Variants in ANXA5 observed in about 807,000 individuals in gnomAD.
The protein encoded by ANXA5 is CBP-I.
In ANXA5, 40 loss-of-function variants were observed where a neutral mutation model predicts 48.1. That is an observed-to-expected ratio of 0.83 (90% CI 0.65 to 1.08). The LOEUF (loss-of-function observed/expected upper bound fraction) is 1.08, where lower values mean the gene tolerates loss of function less well. Ranked by LOEUF, ANXA5 falls within the 50% of genes least tolerant of loss-of-function variation. The pLI, the probability that ANXA5 is intolerant of heterozygous loss-of-function variation, is 0.00. For synonymous variants in ANXA5, 113 were observed against 129.1 expected (o/e 0.88, Z 0.85); for missense variants, 357 against 376.8 (o/e 0.95, Z 0.44).
Position 121,676,683 on chromosome 4 carries a change from G to A in ANXA5, c.531+1211C>T, listed in dbSNP as rs534879398. Among the ~76,000 whole-genome samples the A allele has an allele frequency of 3.3e-4, 48 of 147,484 alleles. 1 individual carries two copies. In the South Asian group the frequency reaches 9.2e-3, roughly 28 times the overall value. On this transcript the variant is annotated intron_variant, in intron 8 of 12. Transcript: ENST00000296511. ...ACTGTGACAGGAAGCCTGGGGGCGG[G>A]GGGGGGTATGGTTTTCCCTGTGAGG...
rs958426407 is a variant in ANXA5 at position 121,696,895 on chromosome 4, C to G, written c.-68G>C. 1.6e-4 allele frequency: 44 copies of G among 283,620 alleles called. No individual in the cohort carries two copies. The Middle Eastern group carries it at 4.9e-3, about 32-fold the overall frequency. The allele number at this position is 283,620 out of a possible 1,614,324, so 17.6% of individuals were successfully genotyped here. On this transcript the variant is annotated 5_prime_UTR_variant, in exon 1 of 13. Coordinates refer to ENST00000296511, the MANE Select transcript of ANXA5 (RefSeq NM_001154.4). The stretch of plus-strand genomic sequence containing the variant: ...GTGGGACCCAAGTGCCCCGAAACCC[C>G]GGGAGAGCGGCGGAGAGCCGGGCGA...
chr4:121,676,243 T>C (rs1053480277), intron 8 of ANXA5, among the ~76,000 whole-genome samples: 2 of 152,220 alleles, frequency 1.3e-5, no homozygotes, highest in African/African-American at 4.8e-5. Context: ...AAGGTGGAAT[T>C]AAGCTAGATC....
intron 8 of ANXA5, 102 bp downstream of exon 8, chr4:121,677,792 T>C (rs1578442327): frequency 1.9e-6 from 2 of 1,030,370 alleles, no homozygotes; most frequent in East Asian, 2.4e-5. Flanking sequence ...AACAAGATTA[T>C]CACTAGAAGC....
chr4:121,670,455 ACT>A (rs895424867), intron 10 of ANXA5, among the ~76,000 whole-genome samples: 2 of 152,098 alleles, frequency 1.3e-5, no homozygotes, highest in Admixed American at 1.3e-4. Flanking sequence ...ATCTTCCTAT[ACT>A]CTCTACATAT....
intron 8 of ANXA5, among the ~76,000 whole-genome samples, chr4:121,673,347 T>G (rs1311527917): frequency 6.6e-6 from 1 of 152,178 alleles, no homozygotes; most frequent in African/African-American, 2.4e-5. Flanking sequence ...CTTATTGACG[T>G]GAGAATAATT....
At chr4:121,691,653 T>G (rs1724986646) in intron 2 of ANXA5, among the ~76,000 whole-genome samples, 1 of 152,132 alleles carries the variant, frequency 6.6e-6, no homozygotes, top group Non-Finnish European at 1.5e-5. Flanking sequence ...AGGGTGGTTC[T>G]TCTGAGGCAG....
Position 121,678,508 on chromosome 4 carries a change from A to G in ANXA5, c.395-14T>C, listed in dbSNP as rs982126449. 6.2e-7 allele frequency: 1 copy of G among 1,605,630 alleles called. No individual in the cohort carries two copies. Among genetic ancestry groups the G allele is most frequent in the Non-Finnish European group, 8.5e-7 (1 of 1,173,670 alleles). ...TTGAGCCATATTCTGCAACAAAATA[A>G]TTTCATACTTATTTACATCTTCTTT... On this transcript the variant is annotated splice_polypyrimidine_tract_variant and intron_variant, in intron 6 of 12. Transcript: ENST00000296511.
chr4:121,671,848 C>T (rs1374326941), intron 9 of ANXA5, among the ~76,000 whole-genome samples: 6 of 152,042 alleles, frequency 3.9e-5, no homozygotes, highest in South Asian at 2.1e-4. Flanking sequence ...AGCCCCCTTA[C>T]GAGTTATAGC....
intron 8 of ANXA5, among the ~76,000 whole-genome samples, chr4:121,677,222 G>A (rs1724714244): frequency 6.6e-6 from 1 of 152,166 alleles, no homozygotes. Flanking sequence ...CATGTGACCA[G>A]AAAGAGGTCT....
chr4:121,674,002 C>T (rs1313356784), intron 8 of ANXA5, among the ~76,000 whole-genome samples: 1 of 151,456 alleles, frequency 6.6e-6, no homozygotes, highest in South Asian at 2.1e-4. Context: ...GGCAACCTGT[C>T]AAAACCTGTC....
At chr4:121,669,029 A>C (rs1724566914) in intron 12 of ANXA5, among the ~76,000 whole-genome samples, 3 of 150,542 alleles carry the variant, frequency 2.0e-5, no homozygotes, top group Admixed American at 6.7e-5. Context: ...CTTGCTTTGC[A>C]CATGGTCCAC....
At chr4:121,695,500 A>G (rs1325476282) in intron 2 of ANXA5, among the ~76,000 whole-genome samples, 3 of 152,236 alleles carry the variant, frequency 2.0e-5, no homozygotes, top group African/African-American at 7.2e-5. Flanking sequence ...GATTGACAAG[A>G]TCTGTGAAAT....
chr4:121,673,721 A>G (rs1724649500), intron 8 of ANXA5, among the ~76,000 whole-genome samples: 1 of 152,198 alleles, frequency 6.6e-6, no homozygotes, highest in African/African-American at 2.4e-5. Flanking sequence ...ACATGCTCTT[A>G]AAACCTGAAA....
At chr4:121,686,515 A>T (rs1460476610) in intron 2 of ANXA5, 143 bp from the exon 3 acceptor site, 1 of 656,204 alleles carries the variant, frequency 1.5e-6, no homozygotes, top group Non-Finnish European at 2.6e-6. Flanking sequence ...CCCCTTTTGA[A>T]CTGGGAAGGG....
At chr4:121,671,770 G>A (rs755371269) in intron 9 of ANXA5, 128 bp from the exon 10 acceptor site, 5 of 667,302 alleles carry the variant, frequency 7.5e-6, no homozygotes, top group Non-Finnish European at 1.3e-5. Context: ...ACAGAACCTT[G>A]TGCTCAAAGC....
intron 8 of ANXA5, among the ~76,000 whole-genome samples, chr4:121,673,192 T>C (rs552675397): frequency 3.0e-4 from 46 of 152,358 alleles, no homozygotes; most frequent in African/African-American, 7.9e-4. Context: ...GCCTGGCATA[T>C]AGAAGCACTC....
intron 3 of ANXA5, 151 bp from the exon 4 acceptor site, chr4:121,684,922 G>C: frequency 1.7e-6 from 1 of 595,138 alleles, no homozygotes; most frequent in Non-Finnish European, 2.9e-6. Context: ...GCTCACATCT[G>C]TAATCCTAGC....
Position 121,671,597 on chromosome 4 carries a change from GT to G in ANXA5, c.670del (p.Thr224ProfsTer10). 4.3e-6 allele frequency: 7 copies of G among 1,613,506 alleles called. No homozygotes were observed. Among genetic ancestry groups the G allele is most frequent in the Non-Finnish European group, 5.9e-6 (7 of 1,179,566 alleles). ...MTISGFQIEE[T>X]IDRETSGNLE... ...ATTGCCAGAAGTCTCGCGGTCAATG[GT>G]TTCCTCAATTTGAAATCCTGATATA... On this transcript the variant is annotated frameshift_variant, in exon 10 of 13. Transcript: ENST00000296511. LOFTEE classifies it high-confidence loss of function.
intron 6 of ANXA5, among the ~76,000 whole-genome samples, chr4:121,679,485 G>A (rs145692859): frequency 1.3e-5 from 2 of 152,034 alleles, no homozygotes; most frequent in African/African-American, 2.4e-5. Context: ...GCTCATTCAG[G>A]AATTTACAGT....
Sources: gnomAD v4.1 joint callset for allele counts (sites outside exome capture counted in the v4.1 genomes callset) on GRCh38, gnomAD v4.1.1 for gene constraint, MANE v1.5 for transcripts, NCBI Gene and HGNC (gene_info 2026-07-23, HGNC 2026-07-21) for gene names.